Variants in EPHA8 observed in about 807,000 individuals in gnomAD.
EPHA8 encodes the protein ephrin type-A receptor 8.
EPHA8 carries 58 observed loss-of-function variants against 103.6 expected under a neutral mutation model. The ratio of observed to expected loss-of-function variants is 0.56; its 90% CI spans 0.45 to 0.70. The LOEUF is 0.70. Among genes scored for constraint, EPHA8 ranks in the 30% least tolerant of loss-of-function variants. The probability of loss-of-function intolerance (pLI) is 0.00; values close to 1 mark genes in which losing one functional copy is unlikely to be tolerated. For synonymous variants in EPHA8, 559 were observed against 572.5 expected (o/e 0.98, Z 0.34); for missense variants, 1,304 against 1,395.2 (o/e 0.93, Z 1.04).
In EPHA8 at chr1:22,578,782, G is replaced by T. The variant is rs184650183; in HGVS notation, c.823+1902G>T. Among the ~76,000 whole-genome samples the T allele has an allele frequency of 6.8e-3, 977 of 144,176 alleles. 7 individuals are homozygous for T. Among genetic ancestry groups the T allele is most frequent in the East Asian group, 0.028 (130 of 4,634 alleles). 94.6% of individuals were successfully genotyped at this position (144,176 alleles called of 152,430 possible). A position where few individuals can be genotyped will look rare whatever the true frequency, so the allele number is the denominator to read the frequency against. ...GTGTGTGAATGTATGTGTACGTGTG[G>T]GCATATGTATGTGTGCGTGTGTGCA... On this transcript the variant is annotated intron_variant, in intron 3 of 16. Transcript: ENST00000166244.
rs182997024 is a variant in EPHA8, at chr1:22,593,602, C to G, written c.1519C>G (p.Arg507Gly). ...CGTCTCCGGCCTCAAGCCGGGCACC[C>G]GCTACGTGTTCCAGGTCCGAGCCCG... ...ATVSGLKPGTRYVFQVRARTS... is the reference protein window; with the variant it reads ...ATVSGLKPGTGYVFQVRARTS... Residue 507 changes from arginine to glycine, a missense_variant, in exon 7 of 17, where the codon CGC (arginine) becomes GGC (glycine). By Grantham distance (125) the Arg-to-Gly change is moderately radical. Coordinates refer to ENST00000166244, the MANE Select transcript of EPHA8 (RefSeq NM_020526.5). 6.2e-7 allele frequency: 1 copy of G among 1,611,248 alleles called. No individual in the cohort carries two copies. The highest frequency in any genetic ancestry group is 1.3e-5 in the African/African-American group (1 of 74,914).
intron 2 of EPHA8, among the ~76,000 whole-genome samples, chr1:22,573,618 C>T (rs1261022780): frequency 6.6e-6 from 1 of 152,178 alleles, no homozygotes; most frequent in Non-Finnish European, 1.5e-5. Flanking sequence ...GTGTTGCATG[C>T]GTGGAGGAAC....
chr1:22,578,517 ATGCATGTGTGCATATGCG>A (rs1640877874), intron 3 of EPHA8, among the ~76,000 whole-genome samples: 1 of 103,382 alleles, frequency 9.7e-6, no homozygotes, highest in East Asian at 3.4e-4. Flanking sequence ...TTAGTGTATT[ATGCATGTGTGCATATGCG>A]TGCATGTGTG....
chr1:22,592,901 C>T (rs1641411874), intron 5 of EPHA8, among the ~76,000 whole-genome samples: 1 of 152,074 alleles, frequency 6.6e-6, no homozygotes, highest in Non-Finnish European at 1.5e-5. Context: ...CTCAGCTCAC[C>T]CCCTTCCCTC....
In EPHA8 at chr1:22,589,502, A is replaced by C; in HGVS notation, c.1315+296A>C. The C allele has an allele frequency of 7.0e-7, 1 of 1,437,146 alleles. No individual in the cohort carries two copies. Among genetic ancestry groups the C allele is most frequent in the Non-Finnish European group, 9.1e-7 (1 of 1,100,982 alleles). The allele number at this position is 1,437,146 out of a possible 1,614,324, so 89.0% of individuals were successfully genotyped here. ...TGTGCCTCAGTTTCCTCCCTGGTGC[A>C]ATGGGAATAATAGTACCTGCCTGAG... On this transcript the variant is annotated intron_variant, in intron 5 of 16. Coordinates refer to ENST00000166244, the MANE Select transcript of EPHA8 (RefSeq NM_020526.5). The surrounding 1 kb of genome is among the most constrained non-coding windows in gnomAD (Gnocchi z 4.3).
At chr1:22,591,920 C>A (rs1227806733) in intron 5 of EPHA8, among the ~76,000 whole-genome samples, 2 of 152,224 alleles carry the variant, frequency 1.3e-5, no homozygotes, top group Non-Finnish European at 2.9e-5. Context: ...CCCTTCCTAC[C>A]TTTCCCAGCA....
At chr1:22,599,177 A>G (rs1641608942) in intron 13 of EPHA8, 130 bp downstream of exon 13, 3 of 935,610 alleles carry the variant, frequency 3.2e-6, no homozygotes, top group Non-Finnish European at 4.8e-6. Context: ...AACCTGGGGC[A>G]CATCCTGTTT....
At chr1:22,582,940 G>A (rs1052222203) in intron 3 of EPHA8, among the ~76,000 whole-genome samples, 1 of 152,290 alleles carries the variant, frequency 6.6e-6, no homozygotes, top group African/African-American at 2.4e-5. Context: ...AGCAGGAACA[G>A]TGAGCTCTTT....
At chr1:22,572,489 C>T (rs554304029) in intron 2 of EPHA8, among the ~76,000 whole-genome samples, 2 of 152,334 alleles carry the variant, frequency 1.3e-5, no homozygotes, top group African/African-American at 4.8e-5. Flanking sequence ...CAGGCTGCGT[C>T]CTTCCCTCTG....
At position 22,576,756 on chromosome 1, in the gene EPHA8, C is replaced by T. The variant is rs754768319; in HGVS notation, c.699C>T (p.Cys233=). Residue 233 remains cysteine (C), a synonymous_variant, in exon 3 of 17, where the codon TGC becomes TGT. Transcript: ENST00000166244. This position sits in a 1 kb window ranked among gnomAD's most constrained non-coding sequence, Gnocchi z 4.8. ...SSSLVEVRGQ[C]VRHSEERDTP... is the part of the protein sequence containing the mutation. ...CACTGGTGGAGGTGAGGGGCCAGTG[C>T]GTGCGGCACTCAGAGGAGCGGGACA... The T allele has an allele frequency of 8.7e-6, 14 of 1,613,654 alleles. No individual in the cohort carries two copies. In the African/African-American group the frequency reaches 1.2e-4, roughly 14 times the overall value.
rs149642432 is a variant in EPHA8 at position 22,602,951 on chromosome 1, C to A, written c.*1210C>A. Reference sequence around the variant, plus strand: ...CCTCCCCTCTCACACTGACCTCCCCCCTTACGGCCCACCAGGGTATGTAAA... The same window carrying A: ...CCTCCCCTCTCACACTGACCTCCCCACTTACGGCCCACCAGGGTATGTAAA... On this transcript the variant is annotated 3_prime_UTR_variant, in exon 17 of 17. Coordinates refer to ENST00000166244, the MANE Select transcript of EPHA8 (RefSeq NM_020526.5). The A allele has an allele frequency of 2.2e-4, 33 of 152,714 alleles. No individual in the cohort carries two copies. Among genetic ancestry groups the A allele is most frequent in the South Asian group, 4.1e-4 (2 of 4,826 alleles). 9.5% of individuals were successfully genotyped at this position (152,714 alleles called of 1,614,324 possible).
At chr1:22,568,609 G>C (rs1341478155) in intron 1 of EPHA8, among the ~76,000 whole-genome samples, 3 of 152,246 alleles carry the variant, frequency 2.0e-5, no homozygotes, top group African/African-American at 7.2e-5. Flanking sequence ...GGCATCTCAA[G>C]CTCCCCTTGC....
At chr1:22,590,740 C>T (rs1228704474) in intron 5 of EPHA8, among the ~76,000 whole-genome samples, 1 of 149,870 alleles carries the variant, frequency 6.7e-6, no homozygotes, top group Non-Finnish European at 1.5e-5. Context: ...GTTTCAGGGC[C>T]CATGACTTTG....
At chr1:22,578,056 CATGT>C (rs1640799891) in intron 3 of EPHA8, among the ~76,000 whole-genome samples, 5 of 75,970 alleles carry the variant, frequency 6.6e-5, no homozygotes, top group East Asian at 9.7e-4. Context: ...CATGTGTGTG[CATGT>C]GTGCATGAGT....
At chr1:22,564,684 C>A (rs969615026) in intron 1 of EPHA8, among the ~76,000 whole-genome samples, 4 of 152,064 alleles carry the variant, frequency 2.6e-5, no homozygotes, top group African/African-American at 9.7e-5. Flanking sequence ...TCCCTGGAGA[C>A]CCCAGCTCCA....
intron 9 of EPHA8, among the ~76,000 whole-genome samples, chr1:22,596,815 T>C (rs113359235): frequency 0.021 from 3,141 of 152,024 alleles, 119 homozygotes; most frequent in African/African-American, 0.073. Context: ...GCATTCACCA[T>C]GCACTACTAA....
chr1:22,564,346 C>T (rs142245170), intron 1 of EPHA8, among the ~76,000 whole-genome samples: 44 of 130,628 alleles, frequency 3.4e-4, no homozygotes, highest in Non-Finnish European at 5.7e-4. Context: ...AGTCTGGCGA[C>T]GGGCTGGGGA....
At chr1:22,566,488 A>T (rs1308455747) in intron 1 of EPHA8, among the ~76,000 whole-genome samples, 1 of 152,166 alleles carries the variant, frequency 6.6e-6, no homozygotes, top group African/African-American at 2.4e-5. Flanking sequence ...GACCCGTTTG[A>T]TCCCCCCAGA....
At position 22,597,306 on chromosome 1, in the gene EPHA8, C is replaced by T; in HGVS notation, c.1766-6C>T. The T allele has an allele frequency of 6.3e-7, 1 of 1,598,168 alleles. No homozygotes were observed. Among genetic ancestry groups the T allele is most frequent in the East Asian group, 2.2e-5 (1 of 44,578 alleles). On this transcript the variant is annotated splice_region_variant and splice_polypyrimidine_tract_variant and intron_variant, in intron 9 of 16. Transcript: ENST00000166244. This position sits in a 1 kb window ranked among gnomAD's most constrained non-coding sequence, Gnocchi z 4.6. ...CCCCACTGAAGGCCCTCCTCCCGCC[C>T]CTCAGCACCCCCACCTGTCTTCCTG...
Sources: gnomAD v4.1 joint callset for allele counts (sites outside exome capture counted in the v4.1 genomes callset) on GRCh38, gnomAD v4.1.1 for gene constraint, Gnocchi (gnomAD v3.1) non-coding constraint, MANE v1.5 for transcripts, NCBI Gene and HGNC (gene_info 2026-07-23, HGNC 2026-07-21) for gene names.